Variants in KPNA4 observed in about 807,000 individuals in gnomAD.
KPNA4 encodes the protein importin subunit alpha-3.
KPNA4 carries 13 observed loss-of-function variants against 71.3 expected under a neutral mutation model. That is an observed-to-expected ratio of 0.18 (90% CI 0.12 to 0.29). The LOEUF (loss-of-function observed/expected upper bound fraction) is 0.29. Among genes scored for constraint, KPNA4 ranks in the 10% least tolerant of loss-of-function variants. The pLI, the probability that KPNA4 is intolerant of heterozygous loss-of-function variation, is 1.00. For missense variants in KPNA4, 334 were observed against 603.2 expected (o/e 0.55, Z 4.67); for synonymous variants, 189 against 195.2 (o/e 0.97, Z 0.26).
chr3:160,543,542 A>G (rs1260925552), intron 1 of KPNA4, among the ~76,000 whole-genome samples: 1 of 152,190 alleles, frequency 6.6e-6, no homozygotes, highest in African/African-American at 2.4e-5. Context: ...CATGTTGGCC[A>G]GGCTAGTCTC....
At chr3:160,518,231 C>A (rs1256702511) in intron 11 of KPNA4, among the ~76,000 whole-genome samples, 1 of 151,640 alleles carries the variant, frequency 6.6e-6, no homozygotes, top group African/African-American at 2.4e-5. Flanking sequence ...GGGTTCACGC[C>A]ATTCTCCTGC....
At chr3:160,503,435 T>C (rs946907773) in intron 16 of KPNA4, among the ~76,000 whole-genome samples, 1 of 152,142 alleles carries the variant, frequency 6.6e-6, no homozygotes, top group Non-Finnish European at 1.5e-5. Context: ...TCAAATATTC[T>C]AAAATTCAAA....
intron 8 of KPNA4, among the ~76,000 whole-genome samples, chr3:160,527,651 G>A (rs1414002160): frequency 1.3e-5 from 2 of 152,076 alleles, no homozygotes; most frequent in Non-Finnish European, 1.5e-5. Flanking sequence ...CAACATGGGG[G>A]TTAGGGGAAG....
chr3:160,524,794 T>A lies in KPNA4; in HGVS notation c.771+1006A>T, dbSNP rs572029548. ...ACAAACAAAAACTCTACCACAGAGA[T>A]CATGTTCATCTAATGAATTTTATAT... is the stretch of plus-strand genomic sequence containing the variant. On this transcript the variant is annotated intron_variant, in intron 10 of 16. Transcript: ENST00000334256. 7.2e-5 allele frequency among the ~76,000 whole-genome samples: 11 copies of A among 152,290 alleles called. No homozygotes were observed. In the South Asian group the frequency reaches 2.3e-3, roughly 32 times the overall value.
intron 1 of KPNA4, among the ~76,000 whole-genome samples, chr3:160,540,164 T>C (rs1355494595): frequency 6.6e-6 from 1 of 151,836 alleles, no homozygotes; most frequent in Non-Finnish European, 1.5e-5. Flanking sequence ...CACGCCCGGC[T>C]AAGTTTTTGT....
At chr3:160,534,305 C>A (rs1577056047) in intron 5 of KPNA4, among the ~76,000 whole-genome samples, 1 of 152,106 alleles carries the variant, frequency 6.6e-6, no homozygotes, top group East Asian at 1.9e-4. Flanking sequence ...ACAAAGCAAC[C>A]ACTAAATTGC....
intron 14 of KPNA4, among the ~76,000 whole-genome samples, chr3:160,509,237 C>T (rs1413010964): frequency 6.6e-6 from 1 of 152,174 alleles, no homozygotes; most frequent in East Asian, 1.9e-4. Flanking sequence ...AAGTCCTAGC[C>T]ATCTGGTTGA....
At chr3:160,541,828 G>A (rs1227722985) in intron 1 of KPNA4, among the ~76,000 whole-genome samples, 1 of 152,072 alleles carries the variant, frequency 6.6e-6, no homozygotes, top group Non-Finnish European at 1.5e-5. Context: ...CCCTTAAGGA[G>A]GTAGCACTCT....
chr3:160,527,173 C>G (rs1721476496), intron 8 of KPNA4, among the ~76,000 whole-genome samples: 2 of 152,218 alleles, frequency 1.3e-5, no homozygotes, highest in Admixed American at 6.5e-5. Context: ...CCCCTACAAA[C>G]AGTACCTCAG....
At chr3:160,505,501 A>G (rs933599354) in intron 15 of KPNA4, among the ~76,000 whole-genome samples, 2 of 152,212 alleles carry the variant, frequency 1.3e-5, no homozygotes, top group African/African-American at 4.8e-5. Flanking sequence ...AGTTTACTGG[A>G]AAATGATGAA....
At chr3:160,530,472 T>C (rs1384338912) in intron 7 of KPNA4, among the ~76,000 whole-genome samples, 1 of 151,748 alleles carries the variant, frequency 6.6e-6, no homozygotes, top group African/African-American at 2.4e-5. Context: ...GAGTAAGATC[T>C]TGTCTGAGAA....
At position 160,525,952 on chromosome 3, in the gene KPNA4, C is replaced by G. The variant is rs1324942616; in HGVS notation, c.712G>C (p.Glu238Gln). 3.2e-6 allele frequency: 5 copies of G among 1,574,560 alleles called. No homozygotes were observed. The highest frequency in any genetic ancestry group is 4.3e-6 in the Non-Finnish European group (5 of 1,163,306). The change falls in exon 9 of 17, where the codon GAA (glutamate) becomes CAA (glutamine). Residue 238 changes from glutamate (E) to glutamine (Q), a missense_variant. Coordinates refer to ENST00000334256, the MANE Select transcript of KPNA4 (RefSeq NM_002268.5). ...CRHKDPPPPM[E>Q]TIQEILPALC... ...AAAGTGTTTACCTCCTGAATGGTTT[C>G]CATTGGTGGTGGTGGGTCTTTGTGG...
Position 160,528,112 on chromosome 3 carries a change from C to T in KPNA4, c.470-73G>A, listed in dbSNP as rs887428258. ...CCAAAAATCAATCTTTATTTTTTTGCTGAGACCTCAAAAAAAAGGGAACCT... is the reference window on the plus strand; with the variant it reads ...CCAAAAATCAATCTTTATTTTTTTGTTGAGACCTCAAAAAAAAGGGAACCT... On this transcript the variant is annotated intron_variant, in intron 7 of 16. Coordinates refer to ENST00000334256, the MANE Select transcript of KPNA4 (RefSeq NM_002268.5). The T allele has an allele frequency of 3.6e-6, 4 of 1,117,550 alleles. No homozygotes were observed. The African/African-American group carries it at 6.3e-5, about 18-fold the overall frequency. 69.2% of individuals were successfully genotyped at this position (1,117,550 alleles called of 1,614,324 possible).
intron 15 of KPNA4, among the ~76,000 whole-genome samples, chr3:160,505,848 C>A (rs548434349): frequency 6.6e-6 from 1 of 152,298 alleles, no homozygotes; most frequent in Non-Finnish European, 1.5e-5. Flanking sequence ...CTTTTCTGAG[C>A]TTCACATGCA....
rs1720832955 is a variant in KPNA4, at chr3:160,499,354, C to G, written c.*2750G>C. Reference sequence around the variant, plus strand: ...CAGCACTTGAGGTGGTCTCAATGTTCAAAAAGACAGTTTAAGACATGAAAC... The same window carrying G: ...CAGCACTTGAGGTGGTCTCAATGTTGAAAAAGACAGTTTAAGACATGAAAC... On this transcript the variant is annotated 3_prime_UTR_variant, in exon 17 of 17. Coordinates refer to ENST00000334256, the MANE Select transcript of KPNA4 (RefSeq NM_002268.5). The G allele has an allele frequency of 6.6e-6, 1 of 151,832 alleles. No homozygotes were observed. The highest frequency in any genetic ancestry group is 2.4e-5 in the African/African-American group (1 of 41,310). The allele number at this position is 151,832 out of a possible 1,614,324, so 9.4% of individuals were successfully genotyped here. A position where few individuals can be genotyped will look rare whatever the true frequency, so the allele number is the denominator to read the frequency against.
intron 5 of KPNA4, among the ~76,000 whole-genome samples, chr3:160,534,650 G>C (rs1031461601): frequency 6.8e-6 from 1 of 147,534 alleles, no homozygotes; most frequent in Non-Finnish European, 1.5e-5. Context: ...CCGGGAGGCA[G>C]AGGTTGCAGT....
chr3:160,522,384 C>T (rs553799772), intron 10 of KPNA4, among the ~76,000 whole-genome samples: 1 of 152,302 alleles, frequency 6.6e-6, no homozygotes, highest in South Asian at 2.1e-4. Context: ...AGCCAATAAC[C>T]CAAGTATTCA....
At chr3:160,510,104 T>C (rs12638633) in intron 13 of KPNA4, among the ~76,000 whole-genome samples, 33,618 of 152,080 alleles carry the variant, frequency 0.22, 4,094 homozygotes, top group Non-Finnish European at 0.27. Context: ...GATATTATTA[T>C]CTAATATTAT....
At position 160,496,988 on chromosome 3, in the gene KPNA4, T is replaced by TGTTAAAAGTAGTTAAAAGTA. The variant is rs1720776897; in HGVS notation, c.*5115_*5116insTACTTTTAACTACTTTTAAC. The TGTTAAAAGTAGTTAAAAGTA allele has an allele frequency of 6.6e-6, 1 of 152,206 alleles. No homozygotes were observed. Among genetic ancestry groups the TGTTAAAAGTAGTTAAAAGTA allele is most frequent in the African/African-American group, 2.4e-5 (1 of 41,452 alleles). 9.4% of individuals were successfully genotyped at this position (152,206 alleles called of 1,614,324 possible). A position where few individuals can be genotyped will look rare whatever the true frequency, so the allele number is the denominator to read the frequency against. ...TGGGTTAAGTGTTTAGGGAAAAAAA[T>TGTTAAAAGTAGTTAAAAGTA]GTTAAATCTACTTTTCTTATACATG... On this transcript the variant is annotated 3_prime_UTR_variant, in exon 17 of 17. Coordinates refer to ENST00000334256, the MANE Select transcript of KPNA4 (RefSeq NM_002268.5).
Sources: allele counts gnomAD v4.1 joint callset (sites outside exome capture counted in the v4.1 genomes callset), GRCh38; gene constraint gnomAD v4.1.1; transcripts MANE v1.5; gene names NCBI Gene and HGNC (gene_info 2026-07-23, HGNC 2026-07-21).